The following SLC25A13 variants were observed in gnomAD, a reference collection of about 807,000 sequenced individuals.
SLC25A13 encodes the protein electrogenic aspartate/glutamate antiporter SLC25A13, mitochondrial.
A neutral mutation model predicts 85.5 loss-of-function variants in SLC25A13; 70 were observed. The observed-to-expected ratio is 0.82, with a 90% CI of 0.68 to 1.00. The LOEUF (loss-of-function observed/expected upper bound fraction) is 1.00. Ranked by LOEUF, SLC25A13 falls within the 50% of genes least tolerant of loss-of-function variation. SLC25A13 has a pLI of 0.00. For synonymous variants in SLC25A13, 259 were observed against 288.7 expected, an observed-to-expected ratio of 0.90 and a Z score of 1.04; for missense variants, 765 against 819.8, an observed-to-expected ratio of 0.93 and a Z score of 0.82.
chr7:96,286,868 C>A (rs138753183), intron 2 of SLC25A13, among the ~76,000 whole-genome samples: 73 of 152,340 alleles, frequency 4.8e-4, no homozygotes, highest in African/African-American at 1.7e-3. Context: ...TGTCGCTGAT[C>A]TACAGAGCTG....
At chr7:96,262,477 A>C (rs886270008) in intron 3 of SLC25A13, among the ~76,000 whole-genome samples, 2 of 151,800 alleles carry the variant, frequency 1.3e-5, no homozygotes, top group African/African-American at 2.4e-5. Context: ...GTTCAATATA[A>C]GAACAGTAAA....
rs1486031712 is a variant in SLC25A13, at chr7:96,126,557, C to A, written c.1592-4560G>T. ...TTGCCTAACTCATGTTAATGATTTACCCTAAAACCTCCACCTCCACCCCAG... is the reference window on the plus strand; with the variant it reads ...TTGCCTAACTCATGTTAATGATTTAACCTAAAACCTCCACCTCCACCCCAG... On this transcript the variant is annotated intron_variant, in intron 15 of 17. Transcript: ENST00000265631. Among the ~76,000 whole-genome samples, 3 of 152,120 alleles carry A rather than the reference C, an allele frequency of 2.0e-5. No individual in the cohort carries two copies. The East Asian group carries it at 5.8e-4, about 29-fold the overall frequency.
At chr7:96,164,695 T>G (rs1793667549) in intron 13 of SLC25A13, among the ~76,000 whole-genome samples, 1 of 135,278 alleles carries the variant, frequency 7.4e-6, no homozygotes, top group South Asian at 2.5e-4. Context: ...GCTATGATTT[T>G]CAAAAGGATT....
chr7:96,131,904 A>C (rs200004471), intron 14 of SLC25A13, 23 bp from the exon 15 acceptor site: 355 of 1,613,790 alleles, frequency 2.2e-4, no homozygotes, highest in Non-Finnish European at 2.8e-4. Flanking sequence ...AAAGGAAGAA[A>C]AACCACATGA....
Position 96,269,732 on chromosome 7 carries a change from C to T in SLC25A13, c.212+7464G>A, listed in dbSNP as rs535224494. ...AACTCAAGTGCCCATTACAGATGAA[C>T]GGATGAAGAAAATGTGATACATGCA... On this transcript the variant is annotated intron_variant, in intron 3 of 17. Transcript: ENST00000265631. 9.2e-5 allele frequency among the ~76,000 whole-genome samples: 14 copies of T among 152,226 alleles called. No individual in the cohort carries two copies. In the East Asian group the frequency reaches 1.4e-3, roughly 15 times the overall value.
chr7:96,270,480 A>ACCG (rs1798197461), intron 3 of SLC25A13, among the ~76,000 whole-genome samples: 1 of 151,884 alleles, frequency 6.6e-6, no homozygotes, highest in African/African-American at 2.4e-5. Context: ...CACTTGAACT[A>ACCG]GGAGGCAGAG....
intron 3 of SLC25A13, among the ~76,000 whole-genome samples, chr7:96,238,198 G>A (rs986907623): frequency 6.6e-6 from 1 of 152,054 alleles, no homozygotes; most frequent in Non-Finnish European, 1.5e-5. Flanking sequence ...CACACAAGGA[G>A]AAAACCAAGT....
At chr7:96,315,954 CAA>C (rs769662773) in intron 1 of SLC25A13, among the ~76,000 whole-genome samples, 3 of 136,378 alleles carry the variant, frequency 2.2e-5, no homozygotes, top group East Asian at 2.1e-4. Flanking sequence ...CCCGTCTCTA[CAA>C]AAAAAAAAAA....
chr7:96,304,313 T>C (rs1159227726), intron 1 of SLC25A13, among the ~76,000 whole-genome samples: 1 of 152,172 alleles, frequency 6.6e-6, no homozygotes, highest in Non-Finnish European at 1.5e-5. Context: ...ACACCACAAA[T>C]GTTAACCCAC....
chr7:96,226,758 T>C (rs570055809), intron 4 of SLC25A13, among the ~76,000 whole-genome samples: 5 of 152,318 alleles, frequency 3.3e-5, no homozygotes, highest in African/African-American at 9.6e-5. Context: ...TTTGTGTAAA[T>C]GTCTCCTCAC....
intron 4 of SLC25A13, among the ~76,000 whole-genome samples, chr7:96,220,098 G>A (rs1481157402): frequency 6.6e-6 from 1 of 152,108 alleles, no homozygotes; most frequent in African/African-American, 2.4e-5. Context: ...TTAATCATCT[G>A]CTGTGTGTTA....
chr7:96,299,940 G>A (rs1489529371), intron 1 of SLC25A13, among the ~76,000 whole-genome samples: 1 of 152,164 alleles, frequency 6.6e-6, no homozygotes, highest in Admixed American at 6.5e-5. Context: ...GATAAAAAGT[G>A]GAACACCTGT....
At chr7:96,253,389 G>C (rs983516840) in intron 3 of SLC25A13, among the ~76,000 whole-genome samples, 3 of 152,130 alleles carry the variant, frequency 2.0e-5, no homozygotes, top group Admixed American at 2.0e-4. Context: ...CTTCCCTGGA[G>C]TTTATTTCAC....
chr7:96,149,503 A>G (rs1316093256), intron 13 of SLC25A13, among the ~76,000 whole-genome samples: 2 of 152,234 alleles, frequency 1.3e-5, no homozygotes, highest in East Asian at 3.8e-4. Context: ...AGGGATGATG[A>G]GGAGTCAAAT....
At chr7:96,311,431 AG>A (rs1409980778) in intron 1 of SLC25A13, among the ~76,000 whole-genome samples, 1 of 152,242 alleles carries the variant, frequency 6.6e-6, no homozygotes, top group Non-Finnish European at 1.5e-5. Context: ...GGAAATACTG[AG>A]GCCAAGCAAC....
chr7:96,309,125 A>G (rs996182260), intron 1 of SLC25A13, among the ~76,000 whole-genome samples: 5 of 152,226 alleles, frequency 3.3e-5, no homozygotes, highest in African/African-American at 1.2e-4. Flanking sequence ...TGAGCACAAC[A>G]AAGTCAAAGA....
At chr7:96,157,167 A>G (rs1584386245) in intron 13 of SLC25A13, among the ~76,000 whole-genome samples, 1 of 152,220 alleles carries the variant, frequency 6.6e-6, no homozygotes, top group East Asian at 1.9e-4. Flanking sequence ...CCAAGCGCCA[A>G]GCTTCTCAAA....
chr7:96,217,381 G>T (rs1272919377), intron 4 of SLC25A13, among the ~76,000 whole-genome samples: 1 of 151,982 alleles, frequency 6.6e-6, no homozygotes, highest in Non-Finnish European at 1.5e-5. Flanking sequence ...TCCACTCTCA[G>T]GTATATACTC....
intron 5 of SLC25A13, among the ~76,000 whole-genome samples, chr7:96,194,112 T>G (rs886805927): frequency 1.1e-4 from 16 of 152,124 alleles, no homozygotes; most frequent in Non-Finnish European, 1.9e-4. Flanking sequence ...ACAGGGCCCT[T>G]GCAGTGACAG....
Sources: allele counts gnomAD v4.1 joint callset (sites outside exome capture counted in the v4.1 genomes callset), GRCh38; gene constraint gnomAD v4.1.1; transcripts MANE v1.5; gene names NCBI Gene and HGNC (gene_info 2026-07-23, HGNC 2026-07-21).